TMPRSS15: variants seen among roughly 807,000 people sequenced by gnomAD.
TMPRSS15 encodes transmembrane serine protease 15.
Under a neutral mutation model 125.3 loss-of-function variants are expected in TMPRSS15, and 128 were observed. The ratio of observed to expected loss-of-function variants is 1.02; its 90% CI spans 0.89 to 1.18. The LOEUF (loss-of-function observed/expected upper bound fraction) is 1.18, where lower values mean the gene tolerates loss of function less well. Ranked by LOEUF, TMPRSS15 falls within the 50% of genes most tolerant of loss-of-function variation. The pLI, the probability that TMPRSS15 is intolerant of heterozygous loss-of-function variation, is 0.00. For missense variants in TMPRSS15, 1,283 were observed against 1,212.7 expected, an observed-to-expected ratio of 1.06 and a Z score of -0.86; for synonymous variants, 446 against 423.2, an observed-to-expected ratio of 1.05 and a Z score of -0.66.
chr21:18,297,638 C>G, intron 19 of TMPRSS15, 96 bp downstream of exon 19: 1 of 828,628 alleles, frequency 1.2e-6, no homozygotes, highest in Non-Finnish European at 2.1e-6. Flanking sequence ...GATTATATGA[C>G]CAGTATGTAA....
At chr21:18,342,585 T>C (rs2075459975) in intron 12 of TMPRSS15, among the ~76,000 whole-genome samples, 1 of 152,230 alleles carries the variant, frequency 6.6e-6, no homozygotes, top group African/African-American at 2.4e-5. Flanking sequence ...ATCTGGCCAC[T>C]GCAATACTGA....
chr21:18,431,056 C>T (rs1016550042), intron 1 of TMPRSS15, among the ~76,000 whole-genome samples: 1 of 152,100 alleles, frequency 6.6e-6, no homozygotes, highest in African/African-American at 2.4e-5. Flanking sequence ...CTAGCAAGAC[C>T]ATTAGTTCAT....
intron 19 of TMPRSS15, among the ~76,000 whole-genome samples, chr21:18,296,810 T>C (rs2074913213): frequency 6.6e-6 from 1 of 152,162 alleles, no homozygotes; most frequent in African/African-American, 2.4e-5. Flanking sequence ...ATAATATCAG[T>C]CAAGGCCCAG....
At chr21:18,384,239 A>G (rs2075921434) in intron 3 of TMPRSS15, among the ~76,000 whole-genome samples, 1 of 152,202 alleles carries the variant, frequency 6.6e-6, no homozygotes, top group South Asian at 2.1e-4. Context: ...TAGTTTTAAA[A>G]GGCCTGATAG....
chr21:18,476,335 C>T (rs1034587397), intron 1 of TMPRSS15, among the ~76,000 whole-genome samples: 1 of 152,000 alleles, frequency 6.6e-6, no homozygotes, highest in African/African-American at 2.4e-5. Flanking sequence ...AATTGCAACC[C>T]TAGATTTTTT....
chr21:18,323,528 C>T (rs1297617850), intron 16 of TMPRSS15, among the ~76,000 whole-genome samples: 3 of 152,162 alleles, frequency 2.0e-5, no homozygotes, highest in Non-Finnish European at 2.9e-5. Flanking sequence ...ACATGGGGAT[C>T]ATTACAATTC....
chr21:18,435,906 A>G (rs971750205), intron 1 of TMPRSS15, among the ~76,000 whole-genome samples: 4 of 151,688 alleles, frequency 2.6e-5, no homozygotes, highest in African/African-American at 9.7e-5. Context: ...TATATTTTCT[A>G]GTTTATTTGC....
intron 7 of TMPRSS15, 36 bp from the exon 8 acceptor site, chr21:18,359,899 T>C: frequency 1.0e-6 from 1 of 1,004,780 alleles, no homozygotes; most frequent in Non-Finnish European, 1.6e-6. Context: ...ACCAAATTTT[T>C]AACAGTTGTC....
At chr21:18,447,689 C>T (rs77997640) in intron 1 of TMPRSS15, among the ~76,000 whole-genome samples, 4,652 of 152,020 alleles carry the variant, frequency 0.031, 81 homozygotes, top group Non-Finnish European at 0.048. Flanking sequence ...GGGCTTTTTC[C>T]CTCCTTCATT....
In TMPRSS15 at chr21:18,327,580, G is replaced by A. The variant is rs138680241; in HGVS notation, c.1781-1008C>T. On this transcript the variant is annotated intron_variant, in intron 15 of 24. Transcript: ENST00000284885. ...GTTGGGGAACCCTCCCCACCACACT[G>A]TCCCTTGATGTGCTCTAGAAAATTT... 2.4e-3 allele frequency among the ~76,000 whole-genome samples: 371 copies of A among 152,220 alleles called. 1 individual carries two copies. Among genetic ancestry groups the A allele is most frequent in the Non-Finnish European group, 4.2e-3 (285 of 68,002 alleles).
chr21:18,464,171 T>TAA (rs1978608453), intron 1 of TMPRSS15, among the ~76,000 whole-genome samples: 1 of 55,368 alleles, frequency 1.8e-5, no homozygotes, highest in Admixed American at 2.7e-4. Context: ...AGACTCCGTC[T>TAA]CAAAAAAAAA....
rs780466437 is a variant in TMPRSS15, at chr21:18,344,111, T to C, written c.1172-51A>G. The C allele has an allele frequency of 3.4e-6, 5 of 1,455,874 alleles. No homozygotes were observed. The African/African-American group carries it at 5.6e-5, about 16-fold the overall frequency. The allele number at this position is 1,455,874 out of a possible 1,614,324, so 90.2% of individuals were successfully genotyped here. On this transcript the variant is annotated intron_variant, in intron 10 of 24. Transcript: ENST00000284885. ...TTTCACTTAAATATTGCATTTTCAT[T>C]GTGTGACAAGTAGACTTTGTAAGCA...
chr21:18,333,481 A>G (rs2075363837), intron 13 of TMPRSS15, among the ~76,000 whole-genome samples: 1 of 152,230 alleles, frequency 6.6e-6, no homozygotes, highest in Admixed American at 6.5e-5. Context: ...TTCAATATTT[A>G]CCACTCTCTA....
At chr21:18,405,567 CG>C (rs1214438198), upstream of TMPRSS15, among the ~76,000 whole-genome samples, 3 of 152,050 alleles carry the variant, frequency 2.0e-5, no homozygotes, top group Non-Finnish European at 4.4e-5. Flanking sequence ...ACTGTCTCAG[CG>C]GAATTAAGTG....
chr21:18,280,235 T>C (rs1037410870), intron 22 of TMPRSS15, among the ~76,000 whole-genome samples: 2 of 152,102 alleles, frequency 1.3e-5, no homozygotes, highest in African/African-American at 4.8e-5. Flanking sequence ...TTGGAGGAAG[T>C]CCTTCATTTG....
chr21:18,283,225 G>A (rs2074722615), intron 21 of TMPRSS15, among the ~76,000 whole-genome samples: 1 of 152,082 alleles, frequency 6.6e-6, no homozygotes, highest in Non-Finnish European at 1.5e-5. Flanking sequence ...CTCTTCCCTG[G>A]TGTTCTGTTT....
intron 1 of TMPRSS15, among the ~76,000 whole-genome samples, chr21:18,474,148 C>G (rs1978831859): frequency 6.6e-6 from 1 of 151,950 alleles, no homozygotes; most frequent in African/African-American, 2.4e-5. Flanking sequence ...TATATATACC[C>G]ATATATCTCT....
chr21:18,313,143 C>G (rs1482674432), intron 17 of TMPRSS15, 66 bp from the exon 18 acceptor site: 1 of 1,135,310 alleles, frequency 8.8e-7, no homozygotes, highest in African/African-American at 1.5e-5. Flanking sequence ...GGGAAGACAT[C>G]GTTCAAAGAG....
chr21:18,401,851 T>C (rs2076097269), intron 1 of TMPRSS15, among the ~76,000 whole-genome samples: 1 of 152,224 alleles, frequency 6.6e-6, no homozygotes, highest in Non-Finnish European at 1.5e-5. Context: ...TTATCACTTA[T>C]AAATATTTAT....
Sources: gnomAD v4.1 joint callset for allele counts (sites outside exome capture counted in the v4.1 genomes callset) on GRCh38, gnomAD v4.1.1 for gene constraint, MANE v1.5 for transcripts, NCBI Gene and HGNC (gene_info 2026-07-23, HGNC 2026-07-21) for gene names.